Variants in EPS15 observed in about 807,000 individuals in gnomAD.
The protein encoded by EPS15 is epidermal growth factor receptor substrate 15.
A neutral mutation model predicts 113.8 loss-of-function variants in EPS15; 72 were observed. The ratio of observed to expected loss-of-function variants is 0.63; its 90% CI spans 0.52 to 0.77. EPS15 has a LOEUF of 0.77. EPS15 is among the 30% of genes least tolerant of loss of function. EPS15 has a pLI of 0.00. For synonymous variants in EPS15, 344 were observed against 363.4 expected (o/e 0.95, Z 0.61); for missense variants, 1,048 against 1,045.8 (o/e 1.00, Z -0.03).
intron 21 of EPS15, among the ~76,000 whole-genome samples, chr1:51,381,164 A>C (rs541944474): frequency 1.3e-5 from 2 of 152,374 alleles, no homozygotes; most frequent in Non-Finnish European, 1.5e-5. Context: ...GACCTAACAG[A>C]TATATACAGA....
intron 21 of EPS15, among the ~76,000 whole-genome samples, chr1:51,393,290 C>T (rs1321789468): frequency 1.3e-5 from 2 of 152,230 alleles, no homozygotes; most frequent in East Asian, 3.8e-4. Context: ...AATCTCAGCT[C>T]ATTGCAACCT....
intron 1 of EPS15, among the ~76,000 whole-genome samples, chr1:51,506,277 T>C (rs1644497904): frequency 6.6e-6 from 1 of 152,244 alleles, no homozygotes; most frequent in Non-Finnish European, 1.5e-5. Context: ...GTATATCTTT[T>C]TAACTTATTA....
chr1:51,431,699 G>A (rs767617652), intron 12 of EPS15, among the ~76,000 whole-genome samples: 5 of 151,952 alleles, frequency 3.3e-5, no homozygotes, highest in South Asian at 2.1e-4. Flanking sequence ...CTCCCACCTC[G>A]GCCTCCCAAA....
At chr1:51,392,849 G>A (rs965888964) in intron 21 of EPS15, among the ~76,000 whole-genome samples, 9 of 152,100 alleles carry the variant, frequency 5.9e-5, no homozygotes, top group Admixed American at 6.6e-5. Flanking sequence ...CCTTGGTGTG[G>A]GCAATCATAA....
chr1:51,503,031 T>C (rs1490241317), intron 1 of EPS15, among the ~76,000 whole-genome samples: 1 of 147,990 alleles, frequency 6.8e-6, no homozygotes, highest in African/African-American at 2.5e-5. Flanking sequence ...AAGAATTCCA[T>C]TCACAATAGC....
chr1:51,430,796 A>ATT (rs892395565), intron 12 of EPS15, among the ~76,000 whole-genome samples: 1 of 148,524 alleles, frequency 6.7e-6, no homozygotes, highest in Non-Finnish European at 1.5e-5. Context: ...TCTCTATAAA[A>ATT]TTTTTTTTTT....
At chr1:51,386,961 A>T (rs994664580) in intron 21 of EPS15, among the ~76,000 whole-genome samples, 32 of 152,200 alleles carry the variant, frequency 2.1e-4, no homozygotes, top group Non-Finnish European at 3.5e-4. Flanking sequence ...TTCAGGAAAT[A>T]CAGAGAACGA....
intron 1 of EPS15, among the ~76,000 whole-genome samples, chr1:51,508,244 G>GAAAAGAAAAGAAA (rs57780777): frequency 0.023 from 1,111 of 48,280 alleles, 12 homozygotes; most frequent in Non-Finnish European, 0.036. Context: ...AAAAGAAAGA[G>GAAAAGAAAAGAAA]AGAAAGAGAG....
chr1:51,476,669 T>C (rs1215113659), intron 2 of EPS15, among the ~76,000 whole-genome samples: 1 of 152,182 alleles, frequency 6.6e-6, no homozygotes, highest in African/African-American at 2.4e-5. Flanking sequence ...CATTGATTTT[T>C]TGAAGGGTTT....
chr1:51,459,474 C>T (rs1419831793), intron 8 of EPS15, among the ~76,000 whole-genome samples: 24 of 151,684 alleles, frequency 1.6e-4, no homozygotes, highest in Admixed American at 1.6e-3. Flanking sequence ...CCATACTGGG[C>T]AACAGAGCAA....
chr1:51,370,598 TTTA>T (rs1646623139), intron 21 of EPS15, among the ~76,000 whole-genome samples: 1 of 151,904 alleles, frequency 6.6e-6, no homozygotes, highest in South Asian at 2.1e-4. Flanking sequence ...TAATCGTTAT[TTTA>T]TTATTATTTT....
intron 11 of EPS15, among the ~76,000 whole-genome samples, chr1:51,444,245 A>G (rs1319589699): frequency 6.6e-6 from 1 of 152,236 alleles, no homozygotes; most frequent in African/African-American, 2.4e-5. Context: ...GCATCATACT[A>G]GGAAGGGTTT....
rs1320409319 is a variant in EPS15, at chr1:51,387,899, T to C, written c.2119+6482A>G. On this transcript the variant is annotated intron_variant, in intron 21 of 24. Transcript: ENST00000371733. ...GACTTTAACACCCCACTGTTAACAT[T>C]AGACAGATCAATGAGACAGAAAGTT... is the stretch of plus-strand genomic sequence containing the variant. 4.6e-5 allele frequency among the ~76,000 whole-genome samples: 7 copies of C among 152,288 alleles called. No homozygotes were observed. In the East Asian group the frequency reaches 7.7e-4, roughly 17 times the overall value.
intron 12 of EPS15, among the ~76,000 whole-genome samples, chr1:51,437,640 G>A (rs567975727): frequency 2.0e-5 from 3 of 151,794 alleles, no homozygotes; most frequent in South Asian, 4.2e-4. Context: ...GTGCCACCAC[G>A]CCTGTCTAAT....
Position 51,401,113 on chromosome 1 carries a change from T to C in EPS15, c.1883-160A>G. The C allele has an allele frequency of 5.8e-6, 3 of 514,226 alleles. 1 individual carries two copies. The highest frequency in any genetic ancestry group is 6.8e-5 in the East Asian group (2 of 29,450). 31.9% of individuals were successfully genotyped at this position (514,226 alleles called of 1,614,324 possible). On this transcript the variant is annotated intron_variant, in intron 18 of 24. Transcript: ENST00000371733. ...GGAATGTCATTGACCTTATGAAATA[T>C]ACAGCCAACTATACTTACCTTGATC...
chr1:51,468,744 G>A (rs1288321263), intron 4 of EPS15, among the ~76,000 whole-genome samples, 176 bp from the exon 5 acceptor site: 1 of 152,134 alleles, frequency 6.6e-6, no homozygotes, highest in Non-Finnish European at 1.5e-5. Context: ...TATGTAGAAA[G>A]ATGTTCCTAG....
chr1:51,519,059 C>T (rs1254403430), intron 1 of EPS15, 140 bp downstream of exon 1: 3 of 498,560 alleles, frequency 6.0e-6, no homozygotes, highest in Non-Finnish European at 9.9e-6. Context: ...CACCCGCTTT[C>T]CCTCACACAC....
chr1:51,361,774 A>C (rs779088076), intron 23 of EPS15, among the ~76,000 whole-genome samples: 1 of 152,230 alleles, frequency 6.6e-6, no homozygotes, highest in Non-Finnish European at 1.5e-5. Context: ...GTTATCCACT[A>C]GTGGCAGTAA....
chr1:51,477,266 G>A (rs1643925744), intron 2 of EPS15, among the ~76,000 whole-genome samples: 1 of 152,046 alleles, frequency 6.6e-6, no homozygotes, highest in South Asian at 2.1e-4. Flanking sequence ...AGTCTCTGAT[G>A]GTAGTTTGTA....
Sources: allele counts gnomAD v4.1 joint callset (sites outside exome capture counted in the v4.1 genomes callset), GRCh38; gene constraint gnomAD v4.1.1; transcripts MANE v1.5; gene names NCBI Gene and HGNC (gene_info 2026-07-23, HGNC 2026-07-21).